The following SEL1L variants were observed in gnomAD, a reference collection of about 807,000 sequenced individuals.
SEL1L encodes the protein SEL1L adaptor subunit of SYVN1 ubiquitin ligase.
SEL1L carries 52 observed loss-of-function variants against 109.8 expected under a neutral mutation model. The observed-to-expected ratio is 0.47, with a 90% confidence interval of 0.38 to 0.60. The LOEUF (loss-of-function observed/expected upper bound fraction) is 0.60, where lower values mean the gene tolerates loss of function less well. SEL1L is among the 20% of genes least tolerant of loss of function. The pLI is 0.00. For missense variants in SEL1L, 749 were observed against 962.2 expected, an observed-to-expected ratio of 0.78 and a Z score of 2.93; for synonymous variants, 373 against 339.6, an observed-to-expected ratio of 1.10 and a Z score of -1.08.
chr14:81,492,398 A>G, intron 12 of SEL1L, 82 bp downstream of exon 12: 1 of 1,010,546 alleles, frequency 9.9e-7, no homozygotes. Flanking sequence ...TTTTTGGTAA[A>G]TTGTAGATCC....
At position 81,490,412 on chromosome 14, in the gene SEL1L, G is replaced by A; in HGVS notation, c.1308C>T (p.His436=). 6.2e-7 allele frequency: 1 copy of A among 1,613,736 alleles called. No homozygotes were observed. Reference sequence around the variant, plus strand: ...CCATGTCAGCAGCTTTCTTAAAGTAGTGGAGAGCTGTCTCATTACTCTGAG... The same window carrying A: ...CCATGTCAGCAGCTTTCTTAAAGTAATGGAGAGCTGTCTCATTACTCTGAG... ...IVPQSNETAL[H]YFKKAADMGN... Residue 436 remains histidine, a synonymous_variant, in exon 13 of 21, where the codon CAC becomes CAT. Transcript: ENST00000336735.
chr14:81,479,852 GT>G (rs1284063775), intron 19 of SEL1L, 112 bp from the exon 20 acceptor site: 3 of 1,031,976 alleles, frequency 2.9e-6, no homozygotes, highest in African/African-American at 3.3e-5. Flanking sequence ...TTTAAAATGA[GT>G]TTCCCTCACC....
intron 3 of SEL1L, among the ~76,000 whole-genome samples, chr14:81,508,759 G>T (rs1884342925): frequency 6.6e-6 from 1 of 152,128 alleles, no homozygotes. Context: ...GCAAATGATG[G>T]TTTAAAAGAA....
intron 3 of SEL1L, among the ~76,000 whole-genome samples, chr14:81,517,839 T>A (rs922163550): frequency 6.6e-6 from 1 of 152,186 alleles, no homozygotes; most frequent in Non-Finnish European, 1.5e-5. Context: ...GTGAGAGGAC[T>A]GGAATTTGAA....
rs1476529151 is a variant in SEL1L, at chr14:81,477,006, T to A, written c.2351A>T (p.Gln784Leu). The A allele has an allele frequency of 6.2e-7, 1 of 1,614,226 alleles. No individual in the cohort carries two copies. Among genetic ancestry groups the A allele is most frequent in the South Asian group, 1.1e-5 (1 of 91,076 alleles). The change falls in exon 21 of 21, where the codon CAG (glutamine) becomes CTG (leucine). Residue 784 changes from glutamine (Q) to leucine (L), a missense_variant. Around this residue, in one of 2 missense-constraint regions of SEL1L, gnomAD observed 383 missense variants for 562.5 expected, o/e 0.68. Transcript: ENST00000336735. ...PPGPRPAPPQ[Q>L]EGPPEQQPPQ Reference sequence around the variant, plus strand: ...TGGCTGCTGCTCTGGTGGCCCCTCCTGCTGGGGTGGAGCTGGCCGTGGCCC... The same window carrying A: ...TGGCTGCTGCTCTGGTGGCCCCTCCAGCTGGGGTGGAGCTGGCCGTGGCCC...
rs146437587 is a variant in SEL1L at position 81,473,128 on chromosome 14, C to G, written c.*3844G>C. On this transcript the variant is annotated 3_prime_UTR_variant, in exon 21 of 21. Transcript: ENST00000336735. Reference sequence around the variant, plus strand: ...CCAGCTTAAGGTCTTTTAAAACTTCCTCTTCTACATATTTATAGTGGTTAC... The same window carrying G: ...CCAGCTTAAGGTCTTTTAAAACTTCGTCTTCTACATATTTATAGTGGTTAC... The G allele has an allele frequency of 6.6e-6, 1 of 152,274 alleles. No individual in the cohort carries two copies. The highest frequency in any genetic ancestry group is 2.4e-5 in the African/African-American group (1 of 41,446). 9.4% of individuals were successfully genotyped at this position (152,274 alleles called of 1,614,324 possible).
In SEL1L at chr14:81,506,112, T is replaced by C. The variant is rs1444175271; in HGVS notation, c.470A>G (p.Tyr157Cys). 1.2e-6 allele frequency: 2 copies of C among 1,613,952 alleles called. No homozygotes were observed. The highest frequency in any genetic ancestry group is 1.7e-6 in the Non-Finnish European group (2 of 1,179,848). Reference protein sequence around the residue: ...EDGRLWCATTYDYKADEKWGF... With the variant: ...EDGRLWCATTCDYKADEKWGF... ...CCACTTTTCATCTGCTTTGTAGTCA[T>C]AGGTTGTAGCACACCACAGTCTGCC... Residue 157 changes from tyrosine (Y) to cysteine (C), a missense_variant, in exon 4 of 21, where the codon TAT becomes TGT. Tyr to Cys is a radical substitution (Grantham distance 194). Around this residue, in one of 2 missense-constraint regions of SEL1L, gnomAD observed 366 missense variants for 399.8 expected, o/e 0.92. Transcript: ENST00000336735.
intron 1 of SEL1L, among the ~76,000 whole-genome samples, 155 bp from the exon 2 acceptor site, chr14:81,527,893 C>A (rs943414127): frequency 6.6e-6 from 1 of 151,696 alleles, no homozygotes; most frequent in Admixed American, 6.6e-5. Context: ...AGCAATTGTT[C>A]AGAAAAGATC....
intron 9 of SEL1L, 33 bp downstream of exon 9, chr14:81,498,380 T>A (rs1193328078): frequency 6.5e-7 from 1 of 1,529,220 alleles, no homozygotes; most frequent in Admixed American, 1.8e-5. Context: ...TTTATTTTTT[T>A]TTCCTAAAAG....
intron 1 of SEL1L, 86 bp downstream of exon 1, chr14:81,533,589 G>A (rs1342135084): frequency 1.1e-5 from 15 of 1,321,486 alleles, no homozygotes; most frequent in Non-Finnish European, 1.5e-5. Flanking sequence ...ACGGGGTCCC[G>A]AGCCTGGAGT....
chr14:81,531,062 T>C (rs1885301991), intron 1 of SEL1L, among the ~76,000 whole-genome samples: 1 of 152,178 alleles, frequency 6.6e-6, no homozygotes, highest in Non-Finnish European at 1.5e-5. Flanking sequence ...GGTGAGTGAG[T>C]GAGTGAATGT....
In SEL1L at chr14:81,475,546, T is replaced by C. The variant is rs935293766; in HGVS notation, c.*1426A>G. ...TGGGAAAAAAGCATGAAGGTTAGTA[T>C]AAACATACTGACATCAGTAGGCATA... On this transcript the variant is annotated 3_prime_UTR_variant, in exon 21 of 21. Coordinates refer to ENST00000336735, the MANE Select transcript of SEL1L (RefSeq NM_005065.6). 2 of 152,214 alleles carry C rather than the reference T, an allele frequency of 1.3e-5. No homozygotes were observed. Among genetic ancestry groups the C allele is most frequent in the Non-Finnish European group, 2.9e-5 (2 of 68,050 alleles). 9.4% of individuals were successfully genotyped at this position (152,214 alleles called of 1,614,324 possible).
rs186875873 is a variant in SEL1L, at chr14:81,495,494, G to A, written c.1129-357C>T. 2.2e-3 allele frequency among the ~76,000 whole-genome samples: 338 copies of A among 152,192 alleles called. 2 individuals carry two copies. In the Middle Eastern group the frequency reaches 0.037, roughly 17 times the overall value. On this transcript the variant is annotated intron_variant, in intron 10 of 20. Transcript: ENST00000336735. ...CCACAAAAAAATAGAAAAATTAGCCGGGCGTGGTAGCATACGCCTGTAGTC... is the reference window on the plus strand; with the variant it reads ...CCACAAAAAAATAGAAAAATTAGCCAGGCGTGGTAGCATACGCCTGTAGTC...
chr14:81,478,107 A>G (rs191128312), intron 20 of SEL1L, among the ~76,000 whole-genome samples: 144 of 152,356 alleles, frequency 9.5e-4, no homozygotes, highest in African/African-American at 3.3e-3. Flanking sequence ...TATCACTGAT[A>G]CTTTCTGACT....
intron 3 of SEL1L, among the ~76,000 whole-genome samples, chr14:81,524,895 A>C (rs931331568): frequency 1.3e-4 from 20 of 152,094 alleles, no homozygotes; most frequent in Non-Finnish European, 2.4e-4. Context: ...ACAACAACAA[A>C]AGAGGGAGAA....
rs537037925 is a variant in SEL1L at position 81,496,745 on chromosome 14, AAAAT to A, written c.1128+1143_1128+1146del. Among the ~76,000 whole-genome samples the A allele has an allele frequency of 3.2e-3, 488 of 152,326 alleles. 1 individual carries two copies. The highest frequency in any genetic ancestry group is 0.011 in the African/African-American group (467 of 41,550). On this transcript the variant is annotated intron_variant, in intron 10 of 20. Transcript: ENST00000336735. ...TCTGTCTCAAAAAATAAAAAATAAA[AAAAT>A]AAATAAAAAGCAATGAAAAGGTAAA...
intron 18 of SEL1L, among the ~76,000 whole-genome samples, chr14:81,485,465 T>TA (rs1903491872): frequency 6.6e-6 from 1 of 151,508 alleles, no homozygotes; most frequent in South Asian, 2.1e-4. Context: ...TTTTTTTTTT[T>TA]AGTAGAGACA....
chr14:81,533,378 T>C (rs1273074470), intron 1 of SEL1L, among the ~76,000 whole-genome samples: 1 of 152,188 alleles, frequency 6.6e-6, no homozygotes, highest in Non-Finnish European at 1.5e-5. Context: ...CGGGCTCCTG[T>C]ATCAGGATTC....
chr14:81,501,709 A>G (rs546495881), intron 6 of SEL1L, among the ~76,000 whole-genome samples: 123 of 152,318 alleles, frequency 8.1e-4, no homozygotes, highest in Non-Finnish European at 1.5e-3. Flanking sequence ...TTAAATAAAT[A>G]TGATGGCCCC....
Sources: allele counts gnomAD v4.1 joint callset (sites outside exome capture counted in the v4.1 genomes callset), GRCh38; gene constraint gnomAD v4.1.1; regional missense constraint gnomAD v4.1.1; transcripts MANE v1.5; gene names NCBI Gene and HGNC (gene_info 2026-07-23, HGNC 2026-07-21).